The following RAB36 variants were observed in gnomAD, a reference collection of about 807,000 sequenced individuals.
The protein encoded by RAB36 is ras-related protein Rab-36.
Under a neutral mutation model 39.3 loss-of-function variants are expected in RAB36, and 33 were observed. The observed-to-expected ratio is 0.84, with a 90% CI of 0.64 to 1.12. The LOEUF (loss-of-function observed/expected upper bound fraction) is 1.12. Ranked by LOEUF, RAB36 falls within the 50% of genes most tolerant of loss-of-function variation. The pLI, the probability that RAB36 is intolerant of heterozygous loss-of-function variation, is 0.00. For missense variants in RAB36, 308 were observed against 355.3 expected (o/e 0.87, Z 1.07); for synonymous variants, 133 against 140.2 (o/e 0.95, Z 0.36).
intron 7 of RAB36, among the ~76,000 whole-genome samples, chr22:23,158,408 T>C (rs2071581880): frequency 6.6e-6 from 1 of 152,176 alleles, no homozygotes. Context: ...GTATAGCCAG[T>C]CTTTGAAGTG....
At position 23,162,231 on chromosome 22, in the gene RAB36, C is replaced by G; in HGVS notation, c.*667C>G. ...CTGGCTGAAGGGCTATCTCTGGCACCTCTGAGATCCCTAGGTCCTGCCCTC... is the reference window on the plus strand; with the variant it reads ...CTGGCTGAAGGGCTATCTCTGGCACGTCTGAGATCCCTAGGTCCTGCCCTC... On this transcript the variant is annotated 3_prime_UTR_variant, in exon 11 of 11. Coordinates refer to ENST00000263116, the MANE Select transcript of RAB36 (RefSeq NM_004914.5). 4.7e-6 allele frequency: 1 copy of G among 211,394 alleles called. No homozygotes were observed. The highest frequency in any genetic ancestry group is 9.6e-6 in the Non-Finnish European group (1 of 104,600). 13.1% of individuals were successfully genotyped at this position (211,394 alleles called of 1,614,324 possible).
chr22:23,167,401 A>G (rs1360224406), downstream of RAB36, among the ~76,000 whole-genome samples: 1 of 152,128 alleles, frequency 6.6e-6, no homozygotes, highest in Non-Finnish European at 1.5e-5. Context: ...CAGGGACCGG[A>G]GCAAGGCAGT....
rs1161875000 is a variant in RAB36, at chr22:23,160,861, T to A, written c.620-18T>A. 6.2e-7 allele frequency: 1 copy of A among 1,610,654 alleles called. No individual in the cohort carries two copies. Among genetic ancestry groups the A allele is most frequent in the African/African-American group, 1.3e-5 (1 of 74,856 alleles). On this transcript the variant is annotated intron_variant, in intron 9 of 10. Transcript: ENST00000263116. The stretch of plus-strand genomic sequence containing the variant: ...GGAGAAACACTGATGAGGTCCCGGC[T>A]GTCTTGTGGGCCCACAGGCGAGAAC...
rs573364835 is a variant in RAB36, at chr22:23,153,517, G to A, written c.329+383G>A. 3 of 967,596 alleles carry A rather than the reference G, an allele frequency of 3.1e-6. No individual in the cohort carries two copies. The African/African-American group carries it at 5.3e-5, about 17-fold the overall frequency. 59.9% of individuals were successfully genotyped at this position (967,596 alleles called of 1,614,324 possible). On this transcript the variant is annotated intron_variant, in intron 5 of 10. Coordinates refer to ENST00000263116, the MANE Select transcript of RAB36 (RefSeq NM_004914.5). Reference sequence around the variant, plus strand: ...GGTTGCTGCTGAGCTCTGAGCCTCTGTTCCCACCTGTAAAATGGGGTCAAA... The same window carrying A: ...GGTTGCTGCTGAGCTCTGAGCCTCTATTCCCACCTGTAAAATGGGGTCAAA...
chr22:23,152,856 C>G (rs2071237150), intron 4 of RAB36, among the ~76,000 whole-genome samples, 177 bp from the exon 5 acceptor site: 1 of 152,338 alleles, frequency 6.6e-6, no homozygotes, highest in Non-Finnish European at 1.5e-5. Flanking sequence ...GCTCCTGCAG[C>G]CTCCCTTTCC....
chr22:23,158,805 C>T, intron 7 of RAB36, 93 bp from the exon 8 acceptor site: 1 of 1,141,132 alleles, frequency 8.8e-7, no homozygotes, highest in Non-Finnish European at 1.3e-6. Flanking sequence ...CAGCCCAGCA[C>T]TTCAGCCCTG....
chr22:23,163,606 G>GCCCCCCCCCCCCCCCCCCCCCCCCC lies in RAB36; in HGVS notation c.*2052_*2053insCCCCCCCCCCCCCCCCCCCCCCCCC, dbSNP rs71744650. 23 of 125,230 alleles carry GCCCCCCCCCCCCCCCCCCCCCCCCC rather than the reference G, an allele frequency of 1.8e-4. 1 individual carries two copies. The highest frequency in any genetic ancestry group is 3.4e-4 in the Non-Finnish European group (19 of 55,736). The allele number at this position is 125,230 out of a possible 1,614,324, so 7.8% of individuals were successfully genotyped here. A position where few individuals can be genotyped will look rare whatever the true frequency, so the allele number is the denominator to read the frequency against. ...AAAGCATATAAAATACAAGGTGAAA[G>GCCCCCCCCCCCCCCCCCCCCCCCCC]CCCCCCCCCCGCCACATTAGCTGCG... is the stretch of plus-strand genomic sequence containing the variant. On this transcript the variant is annotated 3_prime_UTR_variant, in exon 11 of 11. Coordinates refer to ENST00000263116, the MANE Select transcript of RAB36 (RefSeq NM_004914.5).
Position 23,162,776 on chromosome 22 carries a change from C to T in RAB36, c.*1212C>T, listed in dbSNP as rs1410561759. ...GCAGCCTTCTGATCAGTACTGCTCT[C>T]CTAGGGCCTGGCACACTGCAGCTGC... On this transcript the variant is annotated 3_prime_UTR_variant, in exon 11 of 11. Transcript: ENST00000263116. 1 of 455,708 alleles carries T rather than the reference C, an allele frequency of 2.2e-6. No homozygotes were observed. Among genetic ancestry groups the T allele is most frequent in the Admixed American group, 2.4e-5 (1 of 42,536 alleles). 28.2% of individuals were successfully genotyped at this position (455,708 alleles called of 1,614,324 possible).
At chr22:23,160,830 G>C (rs2071739451) in intron 9 of RAB36, 49 bp from the exon 10 acceptor site, 1 of 1,588,064 alleles carries the variant, frequency 6.3e-7, no homozygotes, top group African/African-American at 1.3e-5. Flanking sequence ...ATGCATTAAG[G>C]GGCAAGGAGA....
chr22:23,155,344 A>G (rs2071394389), intron 5 of RAB36, among the ~76,000 whole-genome samples: 1 of 152,190 alleles, frequency 6.6e-6, no homozygotes, highest in African/African-American at 2.4e-5. Context: ...GACTGTGCCC[A>G]TGGCAGACAT....
intron 6 of RAB36, among the ~76,000 whole-genome samples, chr22:23,156,938 C>T (rs2071486468): frequency 6.6e-6 from 1 of 152,196 alleles, no homozygotes; most frequent in Non-Finnish European, 1.5e-5. Flanking sequence ...TTTCTCTTCC[C>T]ATCTGCCTTG....
chr22:23,154,797 C>A (rs1252550125), intron 5 of RAB36, among the ~76,000 whole-genome samples: 1 of 152,150 alleles, frequency 6.6e-6, no homozygotes, highest in Non-Finnish European at 1.5e-5. Flanking sequence ...AGAATGAAGC[C>A]CAAACTTCTG....
chr22:23,146,194 G>A (rs1262069160), intron 1 of RAB36, among the ~76,000 whole-genome samples: 1 of 152,156 alleles, frequency 6.6e-6, no homozygotes, highest in Non-Finnish European at 1.5e-5. Context: ...TGACAGAGAG[G>A]GAAGCCTGGA....
intron 3 of RAB36, among the ~76,000 whole-genome samples, chr22:23,151,282 C>T (rs1006233481): frequency 6.6e-6 from 1 of 152,218 alleles, no homozygotes; most frequent in African/African-American, 2.4e-5. Context: ...CTCCCTGATC[C>T]CTTATGGCAG....
rs1253033614 is a variant in RAB36 at position 23,162,596 on chromosome 22, A to G, written c.*1032A>G. ...TGCAGAGCAGACAGAAATACCCCAC[A>G]CATTCCCCAGCCTCTCTGCCCAGTA... On this transcript the variant is annotated 3_prime_UTR_variant, in exon 11 of 11. Coordinates refer to ENST00000263116, the MANE Select transcript of RAB36 (RefSeq NM_004914.5). 1 of 454,724 alleles carries G rather than the reference A, an allele frequency of 2.2e-6. No individual in the cohort carries two copies. The highest frequency in any genetic ancestry group is 3.3e-4 in the Middle Eastern group (1 of 3,066). 28.2% of individuals were successfully genotyped at this position (454,724 alleles called of 1,614,324 possible). A position where few individuals can be genotyped will look rare whatever the true frequency, so the allele number is the denominator to read the frequency against.
intron 3 of RAB36, among the ~76,000 whole-genome samples, chr22:23,150,639 C>A (rs1197503890): frequency 1.3e-5 from 2 of 152,120 alleles, no homozygotes; most frequent in African/African-American, 4.8e-5. Flanking sequence ...GTTAACACAC[C>A]TGCCATATGG....
At chr22:23,168,655 T>A (rs914280124), downstream of RAB36, among the ~76,000 whole-genome samples, 3 of 152,220 alleles carry the variant, frequency 2.0e-5, no homozygotes, top group Non-Finnish European at 4.4e-5. Flanking sequence ...CCAGGACGTA[T>A]GACTGTCACA....
At chr22:23,159,040 C>T in intron 8 of RAB36, 61 bp downstream of exon 8, 1 of 1,589,248 alleles carries the variant, frequency 6.3e-7, no homozygotes, top group Non-Finnish European at 8.6e-7. Flanking sequence ...CCTTACAGCC[C>T]TCATTGGAGG....
intron 4 of RAB36, 71 bp from the exon 5 acceptor site, chr22:23,152,962 G>A: frequency 1.9e-6 from 2 of 1,075,860 alleles, no homozygotes; most frequent in Admixed American, 3.6e-5. Context: ...AAGACTTGCA[G>A]TGTTACAAGT....
Sources: gnomAD v4.1 joint callset for allele counts (sites outside exome capture counted in the v4.1 genomes callset) on GRCh38, gnomAD v4.1.1 for gene constraint, MANE v1.5 for transcripts, NCBI Gene and HGNC (gene_info 2026-07-23, HGNC 2026-07-21) for gene names.